The following GALNT13 variants were observed in gnomAD, a reference collection of about 807,000 sequenced individuals.
GALNT13 encodes UDP-GalNAc:polypeptide N-acetylgalactosaminyltransferase 13.
Under a neutral mutation model 64.2 loss-of-function variants are expected in GALNT13, and 28 were observed. The ratio of observed to expected loss-of-function variants is 0.44; its 90% CI spans 0.32 to 0.60. The LOEUF is 0.60. GALNT13 is among the 20% of genes least tolerant of loss of function. The pLI is 0.05. For missense variants in GALNT13, 577 were observed against 669.8 expected, an observed-to-expected ratio of 0.86 and a Z score of 1.53; for synonymous variants, 214 against 224.6, an observed-to-expected ratio of 0.95 and a Z score of 0.42.
the GALNT13 span, among the ~76,000 whole-genome samples, chr2:153,802,062 G>T: frequency 3.1e-4 from 47 of 152,214 alleles, no homozygotes; most frequent in African/African-American, 1.1e-3. Flanking sequence ...CATTATAGTC[G>T]TGTATCTGAG....
At chr2:154,388,814 T>A (rs1698639037) in intron 9 of GALNT13, among the ~76,000 whole-genome samples, 1 of 152,270 alleles carries the variant, frequency 6.6e-6, no homozygotes, top group Admixed American at 6.5e-5. Flanking sequence ...TTAGAAAATA[T>A]CACAAAAAAA....
chr2:154,221,762 A>G (rs1232017325), intron 4 of GALNT13, among the ~76,000 whole-genome samples: 1 of 152,138 alleles, frequency 6.6e-6, no homozygotes, highest in Non-Finnish European at 1.5e-5. Flanking sequence ...GAGCACAGCA[A>G]TTGACATTCA....
the GALNT13 span, among the ~76,000 whole-genome samples, chr2:153,593,927 T>C: frequency 6.6e-5 from 10 of 152,260 alleles, no homozygotes; most frequent in African/African-American, 2.2e-4. Flanking sequence ...TGAAGCTCCA[T>C]GAAAAGGGCT....
At chr2:154,221,009 C>T (rs897138305) in intron 4 of GALNT13, among the ~76,000 whole-genome samples, 6 of 151,978 alleles carry the variant, frequency 3.9e-5, no homozygotes, top group Non-Finnish European at 8.8e-5. Context: ...GCACATAGTG[C>T]ACTGGGGCTT....
At chr2:153,589,451 G>T in the GALNT13 span, among the ~76,000 whole-genome samples, 2 of 152,176 alleles carry the variant, frequency 1.3e-5, no homozygotes, top group South Asian at 2.1e-4. Flanking sequence ...TCCAACCTCT[G>T]CCCTTTACCC....
the GALNT13 span, among the ~76,000 whole-genome samples, chr2:153,668,325 A>T: frequency 2.0e-5 from 3 of 152,200 alleles, no homozygotes; most frequent in Admixed American, 6.5e-5. Flanking sequence ...TCTGTATGTG[A>T]CACATACTCT....
intron 4 of GALNT13, among the ~76,000 whole-genome samples, chr2:154,149,910 AC>A (rs1220714944): frequency 2.0e-5 from 3 of 152,214 alleles, no homozygotes; most frequent in Middle Eastern, 6.8e-3. Context: ...CTAATTGAAT[AC>A]CCTTTATTTC....
At chr2:154,105,945 T>C (rs779816036) in intron 3 of GALNT13, among the ~76,000 whole-genome samples, 13 of 152,204 alleles carry the variant, frequency 8.5e-5, no homozygotes, top group Non-Finnish European at 1.6e-4. Context: ...GGCACTCATA[T>C]AATCAGTAAG....
chr2:154,450,334 A>C, intron 12 of GALNT13, 77 bp from the exon 13 acceptor site: 1 of 1,335,208 alleles, frequency 7.5e-7, no homozygotes, highest in Non-Finnish European at 1.0e-6. Flanking sequence ...GGATTTTTTA[A>C]AGAACAGATT....
the GALNT13 span, among the ~76,000 whole-genome samples, chr2:153,632,879 A>G: frequency 1.3e-5 from 2 of 151,972 alleles, no homozygotes; most frequent in African/African-American, 4.8e-5. Flanking sequence ...CAGCTTCCCA[A>G]GTAGCTGGGA....
chr2:153,930,847 T>G (rs1690464561), intron 2 of GALNT13, among the ~76,000 whole-genome samples: 1 of 152,126 alleles, frequency 6.6e-6, no homozygotes, highest in Admixed American at 6.6e-5. Flanking sequence ...AGTTTTTTTC[T>G]AATTCTGTGA....
At chr2:153,985,283 C>G (rs1694724232) in intron 3 of GALNT13, among the ~76,000 whole-genome samples, 1 of 151,950 alleles carries the variant, frequency 6.6e-6, no homozygotes, top group Non-Finnish European at 1.5e-5. Context: ...AACTCGTCTT[C>G]CCTCCAAAAT....
the GALNT13 span, among the ~76,000 whole-genome samples, chr2:153,540,153 C>T: frequency 0.011 from 1,696 of 152,294 alleles, 32 homozygotes; most frequent in African/African-American, 0.038. Context: ...CCAGGGCCCC[C>T]CTGCTGTGTG....
intron 3 of GALNT13, among the ~76,000 whole-genome samples, chr2:154,103,927 C>T (rs1200101468): frequency 6.6e-6 from 1 of 152,022 alleles, no homozygotes; most frequent in Non-Finnish European, 1.5e-5. Context: ...TTTGTGTTCC[C>T]ATTTGGTCTC....
chr2:153,631,972 A>G, the GALNT13 span, among the ~76,000 whole-genome samples: 1 of 152,064 alleles, frequency 6.6e-6, no homozygotes, highest in Non-Finnish European at 1.5e-5. Flanking sequence ...GTCCTACTTT[A>G]ATCCCCTACC....
At chr2:154,456,145 TTTG>T (rs1702029745), downstream of GALNT13, among the ~76,000 whole-genome samples, 3 of 6,586 alleles carry the variant, frequency 4.6e-4, no homozygotes, top group Admixed American at 9.6e-3. Context: ...CATGTCTTTT[TTTG>T]TTTTTTTTTT....
intron 3 of GALNT13, among the ~76,000 whole-genome samples, chr2:154,113,494 G>C (rs1481348813): frequency 3.3e-5 from 5 of 152,202 alleles, no homozygotes; most frequent in Non-Finnish European, 7.3e-5. Flanking sequence ...CTTGCTTGTA[G>C]GAGGGGCCAA....
chr2:153,963,727 CTCTCTGTGTGTGTGTGTG>C (rs1245740031), intron 3 of GALNT13, among the ~76,000 whole-genome samples: 5 of 96,744 alleles, frequency 5.2e-5, no homozygotes, highest in South Asian at 3.5e-4. Context: ...CTCTCTCTCT[CTCTCTGTGTGTGTGTGTG>C]TGTGTGTGTG....
the GALNT13 span, among the ~76,000 whole-genome samples, chr2:153,378,417 T>C: frequency 1.3e-5 from 2 of 152,134 alleles, no homozygotes; most frequent in Non-Finnish European, 2.9e-5. Flanking sequence ...GTGATATCAA[T>C]ATGAAAACAT....
Sources: gnomAD v4.1 joint callset for allele counts (sites outside exome capture counted in the v4.1 genomes callset) on GRCh38, gnomAD v4.1.1 for gene constraint, MANE v1.5 for transcripts, NCBI Gene and HGNC (gene_info 2026-07-23, HGNC 2026-07-21) for gene names.